The following ALPK2 variants were observed in gnomAD, a reference collection of about 807,000 sequenced individuals.
ALPK2 encodes alpha-protein kinase 2.
Under a neutral mutation model 163.1 loss-of-function variants are expected in ALPK2, and 127 were observed. The observed-to-expected ratio is 0.78, with a 90% CI of 0.67 to 0.90. The LOEUF (loss-of-function observed/expected upper bound fraction) is 0.90, where lower values mean the gene tolerates loss of function less well. Ranked by LOEUF, ALPK2 falls within the 40% of genes least tolerant of loss-of-function variation. The pLI, the probability that ALPK2 is intolerant of heterozygous loss-of-function variation, is 0.00. For synonymous variants in ALPK2, 953 were observed against 959.1 expected (o/e 0.99, Z 0.12); for missense variants, 2,360 against 2,589.6 (o/e 0.91, Z 1.92).
intron 12 of ALPK2, among the ~76,000 whole-genome samples, chr18:58,492,045 G>A (rs905539500): frequency 5.3e-5 from 8 of 152,172 alleles, no homozygotes; most frequent in Non-Finnish European, 7.3e-5. Flanking sequence ...GAATCCTCAC[G>A]AGGGGTGCTC....
At position 58,535,841 on chromosome 18, in the gene ALPK2, G is replaced by T; in HGVS notation, c.4346C>A (p.Pro1449Gln). The T allele has an allele frequency of 6.2e-7, 1 of 1,614,132 alleles. No individual in the cohort carries two copies. Among genetic ancestry groups the T allele is most frequent in the South Asian group, 1.1e-5 (1 of 91,082 alleles). ...GAGACATGGAACTTGCAAAATGGCC[G>T]GCTGGATTTCCGCTTCGTGGCCCAT... ...GNMGHEAEIQ[P>Q]AILQVPCLQG... is the part of the protein sequence containing the mutation. Residue 1449 changes from proline to glutamine, a missense_variant, in exon 5 of 13, where the codon CCG becomes CAG. Transcript: ENST00000361673.
intron 4 of ALPK2, among the ~76,000 whole-genome samples, chr18:58,570,191 C>T (rs902470625): frequency 3.3e-5 from 5 of 151,646 alleles, no homozygotes; most frequent in African/African-American, 1.2e-4. Flanking sequence ...TAAGATCTGG[C>T]TTATCAGCCC....
At chr18:58,602,036 C>T (rs984039817) in intron 3 of ALPK2, among the ~76,000 whole-genome samples, 4 of 152,138 alleles carry the variant, frequency 2.6e-5, no homozygotes, top group Admixed American at 2.6e-4. Flanking sequence ...CCAGACATTA[C>T]CAAATGTCCC....
intron 3 of ALPK2, among the ~76,000 whole-genome samples, chr18:58,592,978 T>G (rs916931687): frequency 6.6e-6 from 1 of 152,136 alleles, no homozygotes; most frequent in African/African-American, 2.4e-5. Context: ...AACGTTCAAG[T>G]GACTTGGAGC....
At chr18:58,524,239 G>C (rs1157068285) in intron 6 of ALPK2, among the ~76,000 whole-genome samples, 177 bp from the exon 7 acceptor site, 4 of 152,240 alleles carry the variant, frequency 2.6e-5, no homozygotes, top group African/African-American at 7.2e-5. Flanking sequence ...CCACAGAGGA[G>C]AGTCATTACA....
chr18:58,521,623 C>CTTTTTTTTTTTTTTTTTTT (rs1568073274), intron 8 of ALPK2, among the ~76,000 whole-genome samples: 2 of 54,420 alleles, frequency 3.7e-5, no homozygotes, highest in Non-Finnish European at 3.9e-5. Flanking sequence ...TTCTTTCTCT[C>CTTTTTTTTTTTTTTTTTTT]TCTCTTTTTT....
At position 58,538,117 on chromosome 18, in the gene ALPK2, G is replaced by A. The variant is rs746315246; in HGVS notation, c.2070C>T (p.Ser690=). The change falls in exon 5 of 13, where the codon TCC becomes TCT. Residue 690 remains serine, a synonymous_variant. Coordinates refer to ENST00000361673, the MANE Select transcript of ALPK2 (RefSeq NM_052947.4). The part of the protein sequence containing the change: ...ESPFTGTTTI[S]FSNLGGVHKE... ...TGTGGACCCCTCCTAAGTTTGAGAA[G>A]GAAATTGTTGTGGTCCCAGTGAATG... The A allele has an allele frequency of 5.6e-6, 9 of 1,614,020 alleles. No homozygotes were observed. The East Asian group carries it at 1.3e-4, about 24-fold the overall frequency.
At chr18:58,520,391 T>C (rs1188389754) in intron 8 of ALPK2, among the ~76,000 whole-genome samples, 1 of 122,756 alleles carries the variant, frequency 8.1e-6, no homozygotes, top group East Asian at 2.4e-4. Flanking sequence ...ATCTTGCCAT[T>C]GCACTTTAGC....
intron 1 of ALPK2, among the ~76,000 whole-genome samples, chr18:58,625,302 T>C (rs1435926827): frequency 6.6e-6 from 1 of 152,182 alleles, no homozygotes; most frequent in Non-Finnish European, 1.5e-5. Context: ...GGGCACCTGA[T>C]GGGTTAACCT....
At chr18:58,617,290 G>T (rs536111393) in intron 1 of ALPK2, among the ~76,000 whole-genome samples, 1 of 152,114 alleles carries the variant, frequency 6.6e-6, no homozygotes, top group African/African-American at 2.4e-5. Context: ...GGGTTCAAGC[G>T]ATTCTCCTGC....
At chr18:58,626,366 ACTTCTT>A (rs1296870700) in intron 1 of ALPK2, among the ~76,000 whole-genome samples, 1 of 151,886 alleles carries the variant, frequency 6.6e-6, no homozygotes, top group East Asian at 1.9e-4. Context: ...TGGAAACTAC[ACTTCTT>A]CTGAGTTGGC....
At chr18:58,482,133 A>T in intron 12 of ALPK2, 94 bp from the exon 13 acceptor site, 1 of 855,664 alleles carries the variant, frequency 1.2e-6, no homozygotes, top group Admixed American at 2.0e-5. Context: ...CTAATGGTGC[A>T]TGGAACATAT....
intron 4 of ALPK2, among the ~76,000 whole-genome samples, chr18:58,551,712 G>A (rs1002902088): frequency 3.3e-5 from 5 of 152,168 alleles, no homozygotes; most frequent in Admixed American, 6.5e-5. Flanking sequence ...GATTTTAGTG[G>A]CAGGACAATG....
intron 12 of ALPK2, among the ~76,000 whole-genome samples, chr18:58,482,502 A>G (rs907427848): frequency 6.6e-6 from 1 of 152,206 alleles, no homozygotes; most frequent in African/African-American, 2.4e-5. Context: ...GAAGAAATTC[A>G]GGTTAAGAGG....
intron 6 of ALPK2, among the ~76,000 whole-genome samples, chr18:58,525,967 GAAAAAAAA>G (rs10653750): frequency 3.8e-4 from 45 of 117,720 alleles, no homozygotes; most frequent in African/African-American, 1.3e-3. Context: ...TGATGAAAAA[GAAAAAAAA>G]AAAAAAAAAA....
At chr18:58,605,457 A>G (rs2052093220) in intron 3 of ALPK2, among the ~76,000 whole-genome samples, 1 of 152,216 alleles carries the variant, frequency 6.6e-6, no homozygotes, top group Non-Finnish European at 1.5e-5. Context: ...ACAAATATTT[A>G]TGTTGTAGGC....
At chr18:58,565,399 T>TAAAA (rs2051846493) in intron 4 of ALPK2, among the ~76,000 whole-genome samples, 1 of 152,228 alleles carries the variant, frequency 6.6e-6, no homozygotes, top group African/African-American at 2.4e-5. Flanking sequence ...ATCAGCTTGG[T>TAAAA]ACTGTACTTT....
At chr18:58,492,436 A>G (rs2051380417) in intron 12 of ALPK2, among the ~76,000 whole-genome samples, 1 of 152,128 alleles carries the variant, frequency 6.6e-6, no homozygotes, top group African/African-American at 2.4e-5. Flanking sequence ...ACCTGGTGAC[A>G]CTACATTGGC....
intron 1 of ALPK2, among the ~76,000 whole-genome samples, chr18:58,615,622 GT>G (rs1209967028): frequency 1.3e-5 from 2 of 152,162 alleles, no homozygotes; most frequent in African/African-American, 4.8e-5. Flanking sequence ...TCTGCTGTGG[GT>G]TACCACAATG....
Sources: allele counts gnomAD v4.1 joint callset (sites outside exome capture counted in the v4.1 genomes callset), GRCh38; gene constraint gnomAD v4.1.1; transcripts MANE v1.5; gene names NCBI Gene and HGNC (gene_info 2026-07-23, HGNC 2026-07-21).